DAZAP1: variants seen among roughly 807,000 people sequenced by gnomAD.
DAZAP1 encodes the protein DAZ-associated protein 1.
In DAZAP1, 6 loss-of-function variants were observed where a neutral mutation model predicts 60.1. That is an observed-to-expected ratio of 0.10 (90% CI 0.05 to 0.20). The LOEUF (loss-of-function observed/expected upper bound fraction) is 0.20, where lower values mean the gene tolerates loss of function less well. Among genes scored for constraint, DAZAP1 ranks in the 10% least tolerant of loss-of-function variants. The probability of loss-of-function intolerance (pLI) is 1.00; values close to 1 mark genes in which losing one functional copy is unlikely to be tolerated. For missense variants in DAZAP1, 366 were observed against 560.4 expected (o/e 0.65, Z 3.50); for synonymous variants, 235 against 215.9 (o/e 1.09, Z -0.78).
rs936025838 is a variant in DAZAP1 at position 1,435,077 on chromosome 19, T to C, written c.*165T>C. On this transcript the variant is annotated 3_prime_UTR_variant, in exon 12 of 12. Transcript: ENST00000233078. ...GCTGTGGGTGTCGTCTGGACTGAGG[T>C]TTTTAAATATTTCTTTCTCTAACCC... 4 of 472,824 alleles carry C rather than the reference T, an allele frequency of 8.5e-6. No individual in the cohort carries two copies. Among genetic ancestry groups the C allele is most frequent in the Non-Finnish European group, 1.4e-5 (4 of 290,298 alleles). 29.3% of individuals were successfully genotyped at this position (472,824 alleles called of 1,614,324 possible).
chr19:1,420,016 TC>T (rs2083105693), intron 4 of DAZAP1, among the ~76,000 whole-genome samples: 2 of 53,966 alleles, frequency 3.7e-5, no homozygotes, highest in East Asian at 7.5e-4. Flanking sequence ...CATGAAACCA[TC>T]CCTACAGTCA....
In DAZAP1 at chr19:1,428,264, A is replaced by G. The variant is rs2083353561; in HGVS notation, c.547-578A>G. On this transcript the variant is annotated intron_variant, in intron 7 of 11. Transcript: ENST00000233078. The surrounding 1 kb of genome is among the most constrained non-coding windows in gnomAD (Gnocchi z 4.0). ...AATGTAAGATTCTCTTATCACATCC[A>G]TTCCCTCTGACATTAGTTTTGAGTT... 6.6e-6 allele frequency: 1 copy of G among 152,398 alleles called. No homozygotes were observed. The highest frequency in any genetic ancestry group is 1.5e-5 in the Non-Finnish European group (1 of 68,166). 9.4% of individuals were successfully genotyped at this position (152,398 alleles called of 1,614,324 possible). A position where few individuals can be genotyped will look rare whatever the true frequency, so the allele number is the denominator to read the frequency against.
rs1230476119 is a variant in DAZAP1, at chr19:1,422,100, G to A, written c.415-248G>A. Reference sequence around the variant, plus strand: ...ACGTGAGCGGGGCCACGGGCAGCCCGGAGGCGGGTATCCAGACGCCTGCCC... The same window carrying A: ...ACGTGAGCGGGGCCACGGGCAGCCCAGAGGCGGGTATCCAGACGCCTGCCC... On this transcript the variant is annotated intron_variant, in intron 5 of 11. Coordinates refer to ENST00000233078, the MANE Select transcript of DAZAP1 (RefSeq NM_018959.4). The surrounding 1 kb of genome is among the most constrained non-coding windows in gnomAD (Gnocchi z 4.5). 6.6e-6 allele frequency among the ~76,000 whole-genome samples: 1 copy of A among 152,250 alleles called. No homozygotes were observed.
chr19:1,430,030 A>G (rs768757635), intron 9 of DAZAP1, 34 bp downstream of exon 9: 19 of 1,576,850 alleles, frequency 1.2e-5, no homozygotes, highest in Admixed American at 1.9e-5. Flanking sequence ...AGGCGGGGAC[A>G]GAAGCCACAT....
intron 1 of DAZAP1, among the ~76,000 whole-genome samples, chr19:1,411,395 G>A (rs939081768): frequency 2.6e-5 from 4 of 152,234 alleles, no homozygotes; most frequent in Admixed American, 2.0e-4. Flanking sequence ...TCCTGCTGGG[G>A]GGAGAGCCAC....
intron 1 of DAZAP1, 65 bp from the exon 2 acceptor site, chr19:1,417,435 T>C: frequency 6.5e-7 from 1 of 1,547,134 alleles, no homozygotes; most frequent in Non-Finnish European, 8.8e-7. Context: ...TCAGCTTGGC[T>C]TGGATGGGGG....
chr19:1,409,318 C>T (rs2082757803), intron 1 of DAZAP1, among the ~76,000 whole-genome samples: 1 of 152,158 alleles, frequency 6.6e-6, no homozygotes, highest in African/African-American at 2.4e-5. Context: ...TCCATTCAAG[C>T]CGCGGGTGAA....
chr19:1,433,667 C>A lies in DAZAP1; in HGVS notation c.1048+977C>A. On this transcript the variant is annotated intron_variant, in intron 11 of 11. Transcript: ENST00000233078. This position sits in a 1 kb window ranked among gnomAD's most constrained non-coding sequence, Gnocchi z 6.1. The stretch of plus-strand genomic sequence containing the variant: ...GGGGGTGTGAGGCGCCCGGTTGGGG[C>A]GTGGCGTGTGTCAGCCGCTGCTCTT... The A allele has an allele frequency of 7.8e-7, 1 of 1,279,544 alleles. No homozygotes were observed. The highest frequency in any genetic ancestry group is 1.1e-6 in the Non-Finnish European group (1 of 883,026). 79.3% of individuals were successfully genotyped at this position (1,279,544 alleles called of 1,614,324 possible). A position where few individuals can be genotyped will look rare whatever the true frequency, so the allele number is the denominator to read the frequency against.
rs878911770 is a variant in DAZAP1 at position 1,407,619 on chromosome 19, AGCCGCCGCCGCC to A, written c.-123_-112del. 5.3e-3 allele frequency: 1,276 copies of A among 239,844 alleles called. 9 individuals are homozygous for A. Among genetic ancestry groups the A allele is most frequent in the African/African-American group, 0.019 (755 of 39,066 alleles). The allele number at this position is 239,844 out of a possible 1,614,324, so 14.9% of individuals were successfully genotyped here. A position where few individuals can be genotyped will look rare whatever the true frequency, so the allele number is the denominator to read the frequency against. On this transcript the variant is annotated 5_prime_UTR_variant, in exon 1 of 12. Transcript: ENST00000233078. ...ACCGTTGGCGCCGAGGGGAGGAGGC[AGCCGCCGCCGCC>A]GCCGCCGCCGCCGCCGCCGCCGCCG...
At position 1,416,645 on chromosome 19, in the gene DAZAP1, A is replaced by G. The variant is rs2082993109; in HGVS notation, c.30-855A>G. Reference sequence around the variant, plus strand: ...CCCATTGGGAGTTGGCACAGTCCCCATTGGGAGTTGGCACAGCCAAGGCCC... The same window carrying G: ...CCCATTGGGAGTTGGCACAGTCCCCGTTGGGAGTTGGCACAGCCAAGGCCC... On this transcript the variant is annotated intron_variant, in intron 1 of 11. Transcript: ENST00000233078. This position sits in a 1 kb window ranked among gnomAD's most constrained non-coding sequence, Gnocchi z 4.3. The G allele has an allele frequency of 6.6e-6, 1 of 152,320 alleles. No homozygotes were observed. Among genetic ancestry groups the G allele is most frequent in the East Asian group, 1.9e-4 (1 of 5,200 alleles). The allele number at this position is 152,320 out of a possible 1,614,324, so 9.4% of individuals were successfully genotyped here.
At position 1,433,624 on chromosome 19, in the gene DAZAP1, C is replaced by T. The variant is rs1031581078; in HGVS notation, c.1048+934C>T. 2.6e-5 allele frequency: 21 copies of T among 816,974 alleles called. No individual in the cohort carries two copies. Among genetic ancestry groups the T allele is most frequent in the Non-Finnish European group, 3.4e-5 (17 of 495,780 alleles). 50.6% of individuals were successfully genotyped at this position (816,974 alleles called of 1,614,324 possible). A position where few individuals can be genotyped will look rare whatever the true frequency, so the allele number is the denominator to read the frequency against. On this transcript the variant is annotated intron_variant, in intron 11 of 11. Coordinates refer to ENST00000233078, the MANE Select transcript of DAZAP1 (RefSeq NM_018959.4). The surrounding 1 kb of genome is among the most constrained non-coding windows in gnomAD (Gnocchi z 6.1). ...TGACCCACTCACCACCAAACCCTGG[C>T]GTGTCTGAGACTGGCAGGGGGGTGT... is the stretch of plus-strand genomic sequence containing the variant.
chr19:1,411,662 G>T (rs1350095697), intron 1 of DAZAP1, among the ~76,000 whole-genome samples: 3 of 152,202 alleles, frequency 2.0e-5, no homozygotes, highest in Non-Finnish European at 4.4e-5. Flanking sequence ...GCAGCGCGCA[G>T]CGTGCCCAGC....
Position 1,432,752 on chromosome 19 carries a change from T to TG in DAZAP1, c.1048+62_1048+63insG. On this transcript the variant is annotated intron_variant, in intron 11 of 11. Transcript: ENST00000233078. This position sits in a 1 kb window ranked among gnomAD's most constrained non-coding sequence, Gnocchi z 4.9. ...CCCAGGACCCTGGGCACGGCCTGCCTTCTTCTGCTTCCTCCCCTGCTGGAC... is the reference window on the plus strand; with the variant it reads ...CCCAGGACCCTGGGCACGGCCTGCCTGTCTTCTGCTTCCTCCCCTGCTGGAC... 2 of 1,500,880 alleles carry TG rather than the reference T, an allele frequency of 1.3e-6. No homozygotes were observed. The highest frequency in any genetic ancestry group is 1.3e-5 in the South Asian group (1 of 77,004). The allele number at this position is 1,500,880 out of a possible 1,614,324, so 93.0% of individuals were successfully genotyped here.
chr19:1,408,121 G>A (rs888804446), intron 1 of DAZAP1, among the ~76,000 whole-genome samples: 1 of 151,552 alleles, frequency 6.6e-6, no homozygotes. Context: ...CGGCAACCTG[G>A]GGGGGTGTCC....
chr19:1,433,538 C>T lies in DAZAP1; in HGVS notation c.1048+848C>T, dbSNP rs575281342. ...GTGCCCGCCCACCCACCTCGCATGG[C>T]TGTGGTTCCCCTGCCCCCACGCCCA... On this transcript the variant is annotated intron_variant, in intron 11 of 11. Coordinates refer to ENST00000233078, the MANE Select transcript of DAZAP1 (RefSeq NM_018959.4). This position sits in a 1 kb window ranked among gnomAD's most constrained non-coding sequence, Gnocchi z 6.1. 3 of 558,760 alleles carry T rather than the reference C, an allele frequency of 5.4e-6. No individual in the cohort carries two copies. The highest frequency in any genetic ancestry group is 3.8e-5 in the African/African-American group (2 of 52,538). 34.6% of individuals were successfully genotyped at this position (558,760 alleles called of 1,614,324 possible).
rs1294880596 is a variant in DAZAP1, at chr19:1,432,533, A to G, written c.891A>G (p.Pro297=). The change falls in exon 11 of 12, where the codon CCA becomes CCG. Residue 297 remains proline (P), a synonymous_variant. Transcript: ENST00000233078. The surrounding 1 kb of genome is among the most constrained non-coding windows in gnomAD (Gnocchi z 4.9). ...CTGCAGGTTTTGGCTACGGGCCTCC[A>G]CCTCCACCGCCAGATCAGTTTGCCC... ...PPQFSFGYGP[P]PPPPDQFAPP... 5 of 1,612,862 alleles carry G rather than the reference A, an allele frequency of 3.1e-6. No homozygotes were observed. Among genetic ancestry groups the G allele is most frequent in the Middle Eastern group, 1.6e-4 (1 of 6,078 alleles).
intron 5 of DAZAP1, among the ~76,000 whole-genome samples, chr19:1,421,781 T>C (rs2083162618): frequency 1.3e-5 from 2 of 152,100 alleles, no homozygotes; most frequent in Non-Finnish European, 2.9e-5. Flanking sequence ...CAGGTCACAC[T>C]CCGAGCCCCG....
At position 1,434,915 on chromosome 19, in the gene DAZAP1, C is replaced by T. The variant is rs1019519653; in HGVS notation, c.*3C>T. 1.0e-5 allele frequency: 15 copies of T among 1,442,208 alleles called. No homozygotes were observed. Among genetic ancestry groups the T allele is most frequent in the South Asian group, 4.3e-5 (3 of 70,588 alleles). 89.3% of individuals were successfully genotyped at this position (1,442,208 alleles called of 1,614,324 possible). A position where few individuals can be genotyped will look rare whatever the true frequency, so the allele number is the denominator to read the frequency against. ...GGTTCCACCCCTACCGACGCTAGCC[C>T]GCGGCGCCGCGACGTCTGCACGGCC... On this transcript the variant is annotated 3_prime_UTR_variant, in exon 12 of 12. Coordinates refer to ENST00000233078, the MANE Select transcript of DAZAP1 (RefSeq NM_018959.4). This position sits in a 1 kb window ranked among gnomAD's most constrained non-coding sequence, Gnocchi z 8.0.
rs374745867 is a variant in DAZAP1, at chr19:1,433,863, C to A, written c.1049-874C>A. 6.3e-7 allele frequency: 1 copy of A among 1,577,282 alleles called. No individual in the cohort carries two copies. Among genetic ancestry groups the A allele is most frequent in the African/African-American group, 1.3e-5 (1 of 74,200 alleles). Reference sequence around the variant, plus strand: ...CCTCCTTCTCCAGGGTCCTCCCACCCGCCTGCACCGGGAGGTGGACGTGGC... The same window carrying A: ...CCTCCTTCTCCAGGGTCCTCCCACCAGCCTGCACCGGGAGGTGGACGTGGC... On this transcript the variant is annotated intron_variant, in intron 11 of 11. Coordinates refer to ENST00000233078, the MANE Select transcript of DAZAP1 (RefSeq NM_018959.4). This position sits in a 1 kb window ranked among gnomAD's most constrained non-coding sequence, Gnocchi z 6.1.
Sources: allele counts gnomAD v4.1 joint callset (sites outside exome capture counted in the v4.1 genomes callset), GRCh38; gene constraint gnomAD v4.1.1; non-coding constraint Gnocchi (gnomAD v3.1); transcripts MANE v1.5; gene names NCBI Gene and HGNC (gene_info 2026-07-23, HGNC 2026-07-21).